EFCAB5: variants seen among roughly 807,000 people sequenced by gnomAD.
EFCAB5 encodes the protein EF-hand calcium-binding domain-containing protein 5.
EFCAB5 carries 131 observed loss-of-function variants against 167.9 expected under a neutral mutation model. That is an observed-to-expected ratio of 0.78 (90% CI 0.68 to 0.90). The LOEUF (loss-of-function observed/expected upper bound fraction) is 0.90, where lower values mean the gene tolerates loss of function less well. Among genes scored for constraint, EFCAB5 ranks in the 40% least tolerant of loss-of-function variants. The pLI is 0.00. For synonymous variants in EFCAB5, 574 were observed against 602.8 expected (o/e 0.95, Z 0.70); for missense variants, 1,663 against 1,745.2 (o/e 0.95, Z 0.84).
At chr17:30,013,975 T>C (rs1016570517) in intron 7 of EFCAB5, among the ~76,000 whole-genome samples, 1 of 152,248 alleles carries the variant, frequency 6.6e-6, no homozygotes, top group African/African-American at 2.4e-5. Flanking sequence ...CTGCTTTAAG[T>C]GTGTCCCAGA....
chr17:30,078,320 G>A lies in EFCAB5; in HGVS notation c.2843G>A (p.Gly948Asp), dbSNP rs1365561884. The part of the protein sequence containing the change: ...YIELVVSELR[G>D]NEDQVLESVV... Reference sequence around the variant, plus strand: ...GAATTGGTTGTGTCTGAACTCAGGGGCAATGAAGACCAAGTTCTGGAAAGT... The same window carrying A: ...GAATTGGTTGTGTCTGAACTCAGGGACAATGAAGACCAAGTTCTGGAAAGT... Residue 948 changes from glycine (G) to aspartate (D), a missense_variant, in exon 15 of 23, where the codon GGC becomes GAC. Gly to Asp is a moderately conservative substitution (Grantham distance 94, BLOSUM62 -1). Coordinates refer to ENST00000394835, the MANE Select transcript of EFCAB5 (RefSeq NM_198529.4). 6.2e-7 allele frequency: 1 copy of A among 1,613,838 alleles called. No individual in the cohort carries two copies. Among genetic ancestry groups the A allele is most frequent in the African/African-American group, 1.3e-5 (1 of 74,906 alleles).
At position 30,069,320 on chromosome 17, in the gene EFCAB5, A is replaced by G. The variant is rs904168049; in HGVS notation, c.2738-8895A>G. The G allele has an allele frequency of 8.5e-6, 13 of 1,532,782 alleles. No individual in the cohort carries two copies. The African/African-American group carries it at 1.5e-4, about 18-fold the overall frequency. 94.9% of individuals were successfully genotyped at this position (1,532,782 alleles called of 1,614,324 possible). The stretch of plus-strand genomic sequence containing the variant: ...TGAAGATGAGTTATCCCCAGAAGAA[A>G]TACAAATGTTTGAACAGGAAAATCA... On this transcript the variant is annotated intron_variant, in intron 14 of 22. Transcript: ENST00000394835.
At chr17:30,058,171 T>C (rs905029341) in intron 13 of EFCAB5, among the ~76,000 whole-genome samples, 1 of 152,304 alleles carries the variant, frequency 6.6e-6, no homozygotes, top group African/African-American at 2.4e-5. Flanking sequence ...GAAGCAGATA[T>C]GGATATATGC....
chr17:30,097,928 C>G (rs922286364), intron 22 of EFCAB5, among the ~76,000 whole-genome samples: 2 of 151,958 alleles, frequency 1.3e-5, no homozygotes, highest in African/African-American at 4.8e-5. Context: ...CTCAGTTCCT[C>G]TGTTTTTGTT....
intron 8 of EFCAB5, among the ~76,000 whole-genome samples, chr17:30,045,184 A>G (rs1287544152): frequency 1.3e-5 from 2 of 152,136 alleles, no homozygotes; most frequent in Non-Finnish European, 2.9e-5. Flanking sequence ...GTGGCCGGGC[A>G]CGGTGGTTCA....
At chr17:30,083,205 A>T (rs1219134382) in intron 18 of EFCAB5, among the ~76,000 whole-genome samples, 162 bp downstream of exon 18, 1 of 152,218 alleles carries the variant, frequency 6.6e-6, no homozygotes, top group East Asian at 1.9e-4. Flanking sequence ...ATCCATCTCA[A>T]ATTGCCTTAG....
intron 6 of EFCAB5, among the ~76,000 whole-genome samples, chr17:29,997,591 G>A (rs1398060024): frequency 6.6e-6 from 1 of 152,034 alleles, no homozygotes; most frequent in Non-Finnish European, 1.5e-5. Flanking sequence ...ATTAAACAAA[G>A]TATAATTCTC....
intron 4 of EFCAB5, among the ~76,000 whole-genome samples, chr17:29,973,203 C>G (rs909255971): frequency 3.9e-5 from 6 of 152,148 alleles, no homozygotes; most frequent in East Asian, 1.9e-4. Context: ...TGCCCTACCC[C>G]ACCCTGGAGG....
chr17:30,017,215 C>CA (rs1345802803), intron 7 of EFCAB5, among the ~76,000 whole-genome samples: 2 of 151,492 alleles, frequency 1.3e-5, no homozygotes, highest in South Asian at 2.1e-4. Context: ...ACCAACCAAA[C>CA]AAAAAACCAC....
intron 8 of EFCAB5, among the ~76,000 whole-genome samples, chr17:30,038,998 A>T (rs1447156575): frequency 2.6e-5 from 4 of 152,144 alleles, no homozygotes; most frequent in Non-Finnish European, 5.9e-5. Flanking sequence ...TCAGCAATGC[A>T]GAAAGAAACC....
rs1481620132 is a variant in EFCAB5, at chr17:30,080,814, A to T, written c.3259A>T (p.Ile1087Phe). 1 of 1,613,444 alleles carries T rather than the reference A, an allele frequency of 6.2e-7. No homozygotes were observed. The highest frequency in any genetic ancestry group is 2.2e-5 in the East Asian group (1 of 44,874). Residue 1087 changes from isoleucine (I) to phenylalanine (F), a missense_variant, in exon 17 of 23, where the codon ATC becomes TTC. Physicochemically the swap from Ile to Phe is conservative, Grantham distance 21 (BLOSUM62 0). Coordinates refer to ENST00000394835, the MANE Select transcript of EFCAB5 (RefSeq NM_198529.4). ...HVPQVQYHGN[I>F]FFWNQSRNKH... ...TCCCCAAGTTCAGTACCATGGGAAC[A>T]TCTTCTTCTGGAACCAGTCCCGTAA...
At chr17:29,955,533 T>A (rs2067597385) in intron 3 of EFCAB5, among the ~76,000 whole-genome samples, 1 of 152,124 alleles carries the variant, frequency 6.6e-6, no homozygotes, top group South Asian at 2.1e-4. Flanking sequence ...GTGAGTCCCT[T>A]AATTTTTTTT....
At chr17:29,986,660 TTTTTTTG>T (rs2068289745) in intron 4 of EFCAB5, among the ~76,000 whole-genome samples, 1 of 139,326 alleles carries the variant, frequency 7.2e-6, no homozygotes, top group Non-Finnish European at 1.5e-5. Flanking sequence ...TTTTTTTTTT[TTTTTTTG>T]AGACGGAGTC....
chr17:29,954,725 C>A (rs2067579118), intron 3 of EFCAB5, among the ~76,000 whole-genome samples: 1 of 152,178 alleles, frequency 6.6e-6, no homozygotes, highest in Admixed American at 6.5e-5. Flanking sequence ...ATCTTCCAAA[C>A]CCCAGAATGA....
intron 14 of EFCAB5, chr17:30,069,649 G>A (rs1203040529): frequency 1.3e-6 from 2 of 1,587,238 alleles, no homozygotes; most frequent in Non-Finnish European, 1.7e-6. Flanking sequence ...GGCCACGGGG[G>A]CCCAGCACGA....
At chr17:29,944,599 G>A (rs888345029) in intron 3 of EFCAB5, among the ~76,000 whole-genome samples, 1 of 142,996 alleles carries the variant, frequency 7.0e-6, no homozygotes, top group African/African-American at 2.6e-5. Context: ...TTTTGTTGTT[G>A]TTTTTTTGTT....
intron 22 of EFCAB5, among the ~76,000 whole-genome samples, chr17:30,101,320 A>C (rs1191302032): frequency 6.6e-6 from 1 of 152,212 alleles, no homozygotes; most frequent in African/African-American, 2.4e-5. Context: ...AAAAGTGGTC[A>C]TATTATATAT....
At chr17:29,986,225 C>A (rs2068279306) in intron 4 of EFCAB5, among the ~76,000 whole-genome samples, 1 of 152,166 alleles carries the variant, frequency 6.6e-6, no homozygotes, top group African/African-American at 2.4e-5. Context: ...GTTTTTTATT[C>A]TTTCCCAAAT....
chr17:30,036,315 TACAC>T, intron 8 of EFCAB5, among the ~76,000 whole-genome samples: 1 of 129,670 alleles, frequency 7.7e-6, no homozygotes, highest in Non-Finnish European at 1.6e-5. Context: ...TTATATATAA[TACAC>T]ATATATAATA....
Sources: allele counts gnomAD v4.1 joint callset (sites outside exome capture counted in the v4.1 genomes callset), GRCh38; gene constraint gnomAD v4.1.1; transcripts MANE v1.5; gene names NCBI Gene and HGNC (gene_info 2026-07-23, HGNC 2026-07-21).